The following TMC1 variants were observed in gnomAD, a reference collection of about 807,000 sequenced individuals.
TMC1 encodes transmembrane channel-like protein 1.
In TMC1, 84 loss-of-function variants were observed where a neutral mutation model predicts 105.8. The observed-to-expected ratio is 0.79, with a 90% CI of 0.67 to 0.95. TMC1 has a LOEUF of 0.95. TMC1 is among the 40% of genes least tolerant of loss of function. The probability of loss-of-function intolerance (pLI) is 0.00; values close to 1 mark genes in which losing one functional copy is unlikely to be tolerated. For missense variants in TMC1, 817 were observed against 914.1 expected (o/e 0.89, Z 1.37); for synonymous variants, 315 against 311.5 (o/e 1.01, Z -0.12).
chr9:72,538,441 T>TGTATC (rs1250315711), intron 1 of TMC1, among the ~76,000 whole-genome samples: 1 of 149,184 alleles, frequency 6.7e-6, no homozygotes, highest in Non-Finnish European at 1.5e-5. Flanking sequence ...TGTATTGTAT[T>TGTATC]GTATCGTATT....
At chr9:72,826,413 A>G (rs912449020) in intron 20 of TMC1, among the ~76,000 whole-genome samples, 2 of 152,146 alleles carry the variant, frequency 1.3e-5, no homozygotes, top group Non-Finnish European at 2.9e-5. Context: ...AATGAGGTGG[A>G]AGCTATTGCG....
intron 5 of TMC1, among the ~76,000 whole-genome samples, chr9:72,674,488 C>A (rs1826170944): frequency 2.0e-5 from 3 of 152,188 alleles, no homozygotes; most frequent in Non-Finnish European, 4.4e-5. Flanking sequence ...TAAAGGAAGG[C>A]AGCAGATGCT....
intron 17 of TMC1, among the ~76,000 whole-genome samples, chr9:72,798,647 C>A (rs973158478): frequency 3.3e-5 from 5 of 151,850 alleles, no homozygotes; most frequent in Admixed American, 2.6e-4. Flanking sequence ...AACTCATGAA[C>A]GCAAAGAAGG....
At chr9:72,665,191 G>A (rs957761178) in intron 5 of TMC1, among the ~76,000 whole-genome samples, 4 of 152,152 alleles carry the variant, frequency 2.6e-5, no homozygotes, top group Admixed American at 2.0e-4. Context: ...CTGAAGTGTC[G>A]TTATGTGGTA....
intron 2 of TMC1, among the ~76,000 whole-genome samples, chr9:72,587,844 G>A (rs1179926951): frequency 6.7e-6 from 1 of 149,638 alleles, no homozygotes; most frequent in East Asian, 2.0e-4. Context: ...GGAGTGCAGT[G>A]GCGCCATCTC....
chr9:72,711,525 TG>T, intron 8 of TMC1, among the ~76,000 whole-genome samples: 1 of 152,378 alleles, frequency 6.6e-6, no homozygotes, highest in African/African-American at 2.4e-5. Flanking sequence ...CCAGTGATGA[TG>T]AGCCTTTTTT....
At chr9:72,522,350 C>T (rs1024810426) in intron 1 of TMC1, among the ~76,000 whole-genome samples, 9 of 152,186 alleles carry the variant, frequency 5.9e-5, no homozygotes, top group Admixed American at 5.9e-4. Context: ...ATCCGCCCGC[C>T]TCAGCCTCCC....
At chr9:72,776,782 T>G (rs991875931) in intron 13 of TMC1, among the ~76,000 whole-genome samples, 1 of 152,124 alleles carries the variant, frequency 6.6e-6, no homozygotes, top group African/African-American at 2.4e-5. Flanking sequence ...TTTGCATAAC[T>G]GAACTTTGAA....
intron 18 of TMC1, among the ~76,000 whole-genome samples, chr9:72,814,605 T>C (rs1349863980): frequency 2.0e-5 from 3 of 152,216 alleles, no homozygotes; most frequent in Admixed American, 6.5e-5. Flanking sequence ...TGTATCATCC[T>C]ATCATTTTAC....
At chr9:72,729,759 T>C (rs1448354100) in intron 8 of TMC1, among the ~76,000 whole-genome samples, 1 of 152,114 alleles carries the variant, frequency 6.6e-6, no homozygotes, top group East Asian at 1.9e-4. Flanking sequence ...TGAAAGAGGG[T>C]TCACAAGAGA....
intron 12 of TMC1, among the ~76,000 whole-genome samples, chr9:72,764,420 C>CT (rs1177988994): frequency 6.6e-6 from 1 of 151,922 alleles, no homozygotes; most frequent in Non-Finnish European, 1.5e-5. Context: ...AAGAAGACAA[C>CT]TTTTTTTTCT....
chr9:72,732,579 A>AAT (rs963223661), intron 8 of TMC1, among the ~76,000 whole-genome samples: 5 of 152,032 alleles, frequency 3.3e-5, no homozygotes, highest in African/African-American at 1.2e-4. Flanking sequence ...AAAAAAAAAA[A>AAT]AAAGATAAAT....
At chr9:72,829,189 T>C (rs1829003976) in intron 21 of TMC1, among the ~76,000 whole-genome samples, 4 of 152,324 alleles carry the variant, frequency 2.6e-5, no homozygotes, top group African/African-American at 2.4e-5. Flanking sequence ...TACAATTGGC[T>C]TAGCTTTTTA....
chr9:72,630,293 C>T (rs758437330), intron 4 of TMC1, among the ~76,000 whole-genome samples: 26 of 151,954 alleles, frequency 1.7e-4, no homozygotes, highest in Non-Finnish European at 2.8e-4. Context: ...AAAAATTAAC[C>T]CAACCAAATA....
chr9:72,809,917 G>T (rs1828669604), intron 18 of TMC1, among the ~76,000 whole-genome samples: 1 of 151,720 alleles, frequency 6.6e-6, no homozygotes, highest in Non-Finnish European at 1.5e-5. Flanking sequence ...TCAATTGTAT[G>T]GCCCTTGAAG....
intron 8 of TMC1, among the ~76,000 whole-genome samples, chr9:72,706,331 C>T (rs115465916): frequency 1.4e-4 from 21 of 152,168 alleles, no homozygotes; most frequent in Admixed American, 3.3e-4. Context: ...GACATTTAAG[C>T]GTGTGAACAC....
At chr9:72,826,757 C>A (rs975324803) in intron 20 of TMC1, 112 bp from the exon 21 acceptor site, 9 of 1,158,104 alleles carry the variant, frequency 7.8e-6, no homozygotes, top group African/African-American at 4.6e-5. Flanking sequence ...AGATTCCTAC[C>A]CTGAAAGAGG....
At chr9:72,830,041 T>A (rs1248689145) in intron 21 of TMC1, among the ~76,000 whole-genome samples, 1 of 152,236 alleles carries the variant, frequency 6.6e-6, no homozygotes, top group East Asian at 1.9e-4. Context: ...GTCGTTTTCC[T>A]TTTTGTTCGG....
At chr9:72,669,086 A>G (rs1588022406) in intron 5 of TMC1, among the ~76,000 whole-genome samples, 1 of 152,156 alleles carries the variant, frequency 6.6e-6, no homozygotes, top group Non-Finnish European at 1.5e-5. Context: ...GGGGCAGATC[A>G]CCTGAGGTCA....
Sources: gnomAD v4.1 joint callset for allele counts (sites outside exome capture counted in the v4.1 genomes callset) on GRCh38, gnomAD v4.1.1 for gene constraint, MANE v1.5 for transcripts, NCBI Gene and HGNC (gene_info 2026-07-23, HGNC 2026-07-21) for gene names.